Variants in CNTNAP2 observed in about 807,000 individuals in gnomAD.
CNTNAP2 encodes the protein contactin-associated protein-like 2.
In CNTNAP2, 98 loss-of-function variants were observed where a neutral mutation model predicts 155.2. The observed-to-expected ratio is 0.63, with a 90% CI of 0.54 to 0.75. The LOEUF (loss-of-function observed/expected upper bound fraction) is 0.75. Among genes scored for constraint, CNTNAP2 ranks in the 30% least tolerant of loss-of-function variants. The probability of loss-of-function intolerance (pLI) is 0.00; values close to 1 mark genes in which losing one functional copy is unlikely to be tolerated. For synonymous variants in CNTNAP2, 651 were observed against 631.2 expected, an observed-to-expected ratio of 1.03 and a Z score of -0.47; for missense variants, 1,727 against 1,688.1, an observed-to-expected ratio of 1.02 and a Z score of -0.40.
intron 1 of CNTNAP2, among the ~76,000 whole-genome samples, chr7:146,325,293 TATAAC>T (rs754521066): frequency 1.7e-4 from 26 of 152,140 alleles, no homozygotes; most frequent in African/African-American, 3.4e-4. Context: ...TTTAAAAAAT[TATAAC>T]ATAAGTTTCT....
intron 8 of CNTNAP2, among the ~76,000 whole-genome samples, chr7:147,296,106 A>T (rs1805437212): frequency 1.3e-5 from 2 of 152,166 alleles, no homozygotes; most frequent in Non-Finnish European, 2.9e-5. Context: ...GTAACCGAAG[A>T]TATTTTATAA....
intron 9 of CNTNAP2, chr7:147,378,144 A>C (rs1262322205): frequency 6.5e-6 from 2 of 305,804 alleles, no homozygotes; most frequent in South Asian, 5.3e-5. Context: ...TATATTGTAG[A>C]ATTTATATTT....
chr7:147,674,741 A>G (rs1795841414), intron 13 of CNTNAP2, among the ~76,000 whole-genome samples: 1 of 152,142 alleles, frequency 6.6e-6, no homozygotes, highest in South Asian at 2.1e-4. Context: ...ATTACAATAT[A>G]GACTATAGGT....
At chr7:147,869,297 A>T (rs1461405485) in intron 13 of CNTNAP2, among the ~76,000 whole-genome samples, 1 of 152,254 alleles carries the variant, frequency 6.6e-6, no homozygotes, top group Non-Finnish European at 1.5e-5. Context: ...AGTCTATTAA[A>T]GTGCATATCG....
rs781675293 is a variant in CNTNAP2, at chr7:147,395,725, A to T, written c.1615A>T (p.Arg539Trp). Reference protein sequence around the residue: ...QLVNLYEVAQRKPGSFANVSI... With the variant: ...QLVNLYEVAQWKPGSFANVSI... ...TGTAAATTTATACGAAGTGGCACAA[A>T]GGAAGCCGGGAAGTTTCGCGAATGT... The change falls in exon 10 of 24, where the codon AGG (arginine) becomes TGG (tryptophan). Residue 539 changes from arginine (R) to tryptophan (W), a missense_variant. Transcript: ENST00000361727. The T allele has an allele frequency of 2.5e-6, 4 of 1,612,564 alleles. No individual in the cohort carries two copies. The highest frequency in any genetic ancestry group is 3.4e-6 in the Non-Finnish European group (4 of 1,178,910).
At chr7:146,317,736 A>C (rs1272260686) in intron 1 of CNTNAP2, among the ~76,000 whole-genome samples, 4 of 152,276 alleles carry the variant, frequency 2.6e-5, no homozygotes, top group Admixed American at 2.6e-4. Context: ...CAGAAAGAAT[A>C]CGCAGAAGTT....
intron 13 of CNTNAP2, among the ~76,000 whole-genome samples, chr7:147,663,732 T>G (rs1027207420): frequency 1.3e-5 from 2 of 152,240 alleles, no homozygotes; most frequent in Non-Finnish European, 2.9e-5. Context: ...GAATGAATTT[T>G]TATTGTATAT....
intron 2 of CNTNAP2, among the ~76,000 whole-genome samples, chr7:146,820,762 G>A (rs1219620278): frequency 6.6e-6 from 1 of 152,122 alleles, no homozygotes; most frequent in Admixed American, 6.6e-5. Flanking sequence ...TGTTGACAGT[G>A]GGGTGTTAAA....
chr7:147,433,958 C>T (rs1392347706), intron 10 of CNTNAP2, among the ~76,000 whole-genome samples: 3 of 152,104 alleles, frequency 2.0e-5, no homozygotes, highest in Non-Finnish European at 4.4e-5. Flanking sequence ...ATAATACATG[C>T]ATTTTAAAGT....
At chr7:146,273,230 C>T (rs1162360082) in intron 1 of CNTNAP2, among the ~76,000 whole-genome samples, 1 of 147,316 alleles carries the variant, frequency 6.8e-6, no homozygotes, top group Admixed American at 6.8e-5. Flanking sequence ...AAAAAAACAA[C>T]AAAAATCAGA....
chr7:147,628,212 A>C (rs1795021737), intron 12 of CNTNAP2, among the ~76,000 whole-genome samples: 2 of 152,168 alleles, frequency 1.3e-5, no homozygotes, highest in African/African-American at 4.8e-5. Flanking sequence ...AAAGGAAAGA[A>C]TCTTAAGAGC....
intron 13 of CNTNAP2, among the ~76,000 whole-genome samples, chr7:147,837,565 A>G (rs924147352): frequency 6.6e-6 from 1 of 152,152 alleles, no homozygotes; most frequent in African/African-American, 2.4e-5. Flanking sequence ...GCATTAACTC[A>G]AAAGTCCACA....
At chr7:147,482,790 A>T (rs1270026926) in intron 10 of CNTNAP2, among the ~76,000 whole-genome samples, 1 of 151,804 alleles carries the variant, frequency 6.6e-6, no homozygotes, top group African/African-American at 2.4e-5. Flanking sequence ...TCATGCCTGT[A>T]ATCCCAGCAC....
chr7:146,480,377 G>T (rs993919761), intron 1 of CNTNAP2, among the ~76,000 whole-genome samples: 2 of 152,040 alleles, frequency 1.3e-5, no homozygotes, highest in Admixed American at 1.3e-4. Flanking sequence ...AGATGGTTAT[G>T]ATTTCAATAG....
At chr7:146,198,205 T>G (rs1798804750) in intron 1 of CNTNAP2, among the ~76,000 whole-genome samples, 1 of 152,128 alleles carries the variant, frequency 6.6e-6, no homozygotes, top group Non-Finnish European at 1.5e-5. Flanking sequence ...TCACTAATAT[T>G]CCTGCTTACA....
chr7:147,620,368 GAT>G (rs1417383850), intron 12 of CNTNAP2, among the ~76,000 whole-genome samples: 1 of 152,070 alleles, frequency 6.6e-6, no homozygotes, highest in Non-Finnish European at 1.5e-5. Flanking sequence ...GTGAAACAGA[GAT>G]ATGTGACTTT....
chr7:148,400,716 T>A (rs975304052), intron 22 of CNTNAP2, among the ~76,000 whole-genome samples: 1 of 152,234 alleles, frequency 6.6e-6, no homozygotes, highest in South Asian at 2.1e-4. Flanking sequence ...GCACAGTGGC[T>A]CACGCCTGTA....
chr7:147,468,976 T>C (rs1025164663), intron 10 of CNTNAP2, among the ~76,000 whole-genome samples: 1 of 151,830 alleles, frequency 6.6e-6, no homozygotes, highest in Non-Finnish European at 1.5e-5. Context: ...AAGTGCGCCA[T>C]CACGCCAGGC....
intron 13 of CNTNAP2, among the ~76,000 whole-genome samples, chr7:147,878,726 G>A (rs2708238): frequency 0.57 from 86,628 of 151,956 alleles, 25,272 homozygotes; most frequent in African/African-American, 0.69. Flanking sequence ...AAAGAATAAG[G>A]CAACATACAT....
Sources: gnomAD v4.1 joint callset for allele counts (sites outside exome capture counted in the v4.1 genomes callset) on GRCh38, gnomAD v4.1.1 for gene constraint, MANE v1.5 for transcripts, NCBI Gene and HGNC (gene_info 2026-07-23, HGNC 2026-07-21) for gene names.